The following SUFU variants were observed in gnomAD, a reference collection of about 807,000 sequenced individuals.
SUFU encodes the protein suppressor of fused homolog.
SUFU carries 7 observed loss-of-function variants against 58.9 expected under a neutral mutation model. The ratio of observed to expected loss-of-function variants is 0.12; its 90% CI spans 0.07 to 0.22. The LOEUF is 0.22. SUFU is among the 10% of genes least tolerant of loss of function. The pLI is 1.00. For synonymous variants in SUFU, 232 were observed against 254.8 expected (o/e 0.91, Z 0.85); for missense variants, 451 against 641.3 (o/e 0.70, Z 3.20).
At chr10:102,536,408 G>A (rs1191489344) in intron 2 of SUFU, among the ~76,000 whole-genome samples, 4 of 148,138 alleles carry the variant, frequency 2.7e-5, no homozygotes, top group Non-Finnish European at 4.5e-5. Context: ...TCTGTTGCCA[G>A]GCTGGAGTGC....
At chr10:102,530,507 G>A (rs2062665561) in intron 2 of SUFU, among the ~76,000 whole-genome samples, 1 of 147,674 alleles carries the variant, frequency 6.8e-6, no homozygotes, top group Admixed American at 6.8e-5. Context: ...CAGCCTGAGT[G>A]CAGTGGCACA....
rs7918044 is a variant in SUFU at position 102,545,284 on chromosome 10, A to G, written c.318-4686A>G. 8.4e-3 allele frequency among the ~76,000 whole-genome samples: 1,169 copies of G among 139,648 alleles called. 13 individuals carry two copies. Among genetic ancestry groups the G allele is most frequent in the African/African-American group, 0.029 (1,044 of 36,596 alleles). 91.6% of individuals were successfully genotyped at this position (139,648 alleles called of 152,430 possible). On this transcript the variant is annotated intron_variant, in intron 2 of 11. Coordinates refer to ENST00000369902, the MANE Select transcript of SUFU (RefSeq NM_016169.4). The stretch of plus-strand genomic sequence containing the variant: ...CAGGTGTGAGCCACCATGCCTGGCT[A>G]ATTTTTGTATTTTTTTTTTTTTTTT...
At chr10:102,584,016 A>G (rs2063311655) in intron 3 of SUFU, among the ~76,000 whole-genome samples, 1 of 152,236 alleles carries the variant, frequency 6.6e-6, no homozygotes, top group Admixed American at 6.5e-5. Context: ...GCTGGTAGCG[A>G]CAAGCTCTGT....
intron 3 of SUFU, among the ~76,000 whole-genome samples, chr10:102,558,728 T>G (rs2063006146): frequency 6.6e-6 from 1 of 152,242 alleles, no homozygotes; most frequent in African/African-American, 2.4e-5. Flanking sequence ...ATAGCACGGC[T>G]TTGCATAGGC....
Position 102,551,298 on chromosome 10 carries a change from G to A in SUFU, c.454+1192G>A, listed in dbSNP as rs559511342. On this transcript the variant is annotated intron_variant, in intron 3 of 11. Coordinates refer to ENST00000369902, the MANE Select transcript of SUFU (RefSeq NM_016169.4). ...TCTTCGAGGAGCTTGTCAACACACT[G>A]ATTTCCAAACCTTCCTGTGGGGCTC... 1.2e-4 allele frequency among the ~76,000 whole-genome samples: 19 copies of A among 152,298 alleles called. No homozygotes were observed. In the South Asian group the frequency reaches 3.9e-3, roughly 32 times the overall value.
At chr10:102,566,822 A>G (rs2135787414) in intron 3 of SUFU, among the ~76,000 whole-genome samples, 1 of 139,208 alleles carries the variant, frequency 7.2e-6, no homozygotes, top group African/African-American at 2.7e-5. Flanking sequence ...GGGCACCTGT[A>G]TAGTCCCAGC....
chr10:102,579,736 T>G (rs1199517274), intron 3 of SUFU: 1 of 726,504 alleles, frequency 1.4e-6, no homozygotes, highest in Admixed American at 6.3e-5. Flanking sequence ...CCCGTCTCCA[T>G]GTCTTGCAAC....
Position 102,617,309 on chromosome 10 carries a change from C to T in SUFU, c.1177C>T (p.Arg393Trp), listed in dbSNP as rs201326378. 2.0e-5 allele frequency: 32 copies of T among 1,614,228 alleles called. 1 individual carries two copies. Among genetic ancestry groups the T allele is most frequent in the East Asian group, 1.3e-4 (6 of 44,884 alleles). ...CTCCAGGGGCAGGCTCCTGCATGGA[C>T]GGCACTTTACATATAAAAGTATCAC... ...LCLRGRLLHG[R>W]HFTYKSITGD... Residue 393 changes from arginine (R) to tryptophan (W), a missense_variant, in exon 10 of 12, where the codon CGG (arginine) becomes TGG (tryptophan). Arg to Trp is a moderately radical substitution (Grantham distance 101). Coordinates refer to ENST00000369902, the MANE Select transcript of SUFU (RefSeq NM_016169.4). The surrounding 1 kb of genome is among the most constrained non-coding windows in gnomAD (Gnocchi z 4.4).
At chr10:102,511,747 G>A (rs1474310640) in intron 2 of SUFU, among the ~76,000 whole-genome samples, 1 of 152,118 alleles carries the variant, frequency 6.6e-6, no homozygotes, top group South Asian at 2.1e-4. Context: ...GTCACGCTCT[G>A]TCACCCAGGC....
chr10:102,581,223 A>AT, intron 3 of SUFU, among the ~76,000 whole-genome samples: 1 of 141,340 alleles, frequency 7.1e-6, no homozygotes, highest in Non-Finnish European at 1.5e-5. Flanking sequence ...AAGAAGAAGA[A>AT]ATTAGGCATG....
chr10:102,541,043 T>C (rs1418569806), intron 2 of SUFU, among the ~76,000 whole-genome samples: 2 of 151,654 alleles, frequency 1.3e-5, no homozygotes, highest in Non-Finnish European at 2.9e-5. Context: ...GTTACTTGGG[T>C]TATATCTTTT....
chr10:102,517,046 C>T (rs2062479536), intron 2 of SUFU, among the ~76,000 whole-genome samples: 1 of 150,618 alleles, frequency 6.6e-6, no homozygotes, highest in Admixed American at 6.6e-5. Flanking sequence ...TCGCTTGAAT[C>T]CAGGAGGTGG....
At position 102,617,395 on chromosome 10, in the gene SUFU, G is replaced by T; in HGVS notation, c.1263G>T (p.Glu421Asp). The T allele has an allele frequency of 1.9e-6, 3 of 1,614,242 alleles. No homozygotes were observed. Among genetic ancestry groups the T allele is most frequent in the Non-Finnish European group, 2.5e-6 (3 of 1,180,042 alleles). ...TGVEGAFATEEHPYAAHGPWL... is the reference protein window; with the variant it reads ...TGVEGAFATEDHPYAAHGPWL... ...TGGAAGGCGCCTTTGCCACTGAGGA[G>T]CATCCTTACGCGGCTCATGGACCCT... Residue 421 changes from glutamate to aspartate, a missense_variant, in exon 10 of 12, where the codon GAG (glutamate) becomes GAT (aspartate). Transcript: ENST00000369902. This position sits in a 1 kb window ranked among gnomAD's most constrained non-coding sequence, Gnocchi z 4.4.
chr10:102,526,812 G>T (rs369120308), intron 2 of SUFU, among the ~76,000 whole-genome samples: 1 of 151,954 alleles, frequency 6.6e-6, no homozygotes, highest in African/African-American at 2.4e-5. Flanking sequence ...AAGGTCCTAG[G>T]CAGTGAAACA....
chr10:102,567,146 G>C (rs928601275), intron 3 of SUFU, among the ~76,000 whole-genome samples: 9 of 147,654 alleles, frequency 6.1e-5, no homozygotes, highest in African/African-American at 2.2e-4. Flanking sequence ...CTAGTAGCTG[G>C]AATTACAGGT....
intron 2 of SUFU, 48 bp downstream of exon 2, chr10:102,509,351 C>T: frequency 1.2e-6 from 2 of 1,609,000 alleles, no homozygotes; most frequent in Non-Finnish European, 1.7e-6. Context: ...TTCCTGAGGT[C>T]TTCCTGAGCA....
intron 7 of SUFU, among the ~76,000 whole-genome samples, chr10:102,598,080 T>C (rs2063481799): frequency 6.6e-6 from 1 of 152,236 alleles, no homozygotes; most frequent in South Asian, 2.1e-4. Flanking sequence ...CTTACATATA[T>C]GATAACACTT....
intron 2 of SUFU, among the ~76,000 whole-genome samples, chr10:102,511,121 CAAAA>C (rs1403399470): frequency 3.0e-5 from 2 of 66,444 alleles, no homozygotes; most frequent in African/African-American, 5.9e-5. Flanking sequence ...AACTCCATCT[CAAAA>C]AAAAAAAAAA....
rs533010894 is a variant in SUFU at position 102,507,809 on chromosome 10, G to A, written c.183-1360G>A. ...TCCCAGTTGCAAAGTGTACTCCATCGATGTCCCAGGGGCAGGTGAAGCTTT... is the reference window on the plus strand; with the variant it reads ...TCCCAGTTGCAAAGTGTACTCCATCAATGTCCCAGGGGCAGGTGAAGCTTT... On this transcript the variant is annotated intron_variant, in intron 1 of 11. Transcript: ENST00000369902. Among the ~76,000 whole-genome samples the A allele has an allele frequency of 2.6e-4, 39 of 152,266 alleles. 1 individual carries two copies. In the South Asian group the frequency reaches 7.7e-3, roughly 30 times the overall value.
Sources: gnomAD v4.1 joint callset for allele counts (sites outside exome capture counted in the v4.1 genomes callset) on GRCh38, gnomAD v4.1.1 for gene constraint, Gnocchi (gnomAD v3.1) non-coding constraint, MANE v1.5 for transcripts, NCBI Gene and HGNC (gene_info 2026-07-23, HGNC 2026-07-21) for gene names.